METTL22: variants seen among roughly 807,000 people sequenced by gnomAD.
METTL22 encodes the protein methyltransferase-like protein 22.
Under a neutral mutation model 48.4 loss-of-function variants are expected in METTL22, and 51 were observed. That is an observed-to-expected ratio of 1.05 (90% CI 0.84 to 1.33). METTL22 has a LOEUF of 1.33. METTL22 is among the 40% of genes most tolerant of loss of function. The pLI is 0.00. For missense variants in METTL22, 678 were observed against 526.9 expected, an observed-to-expected ratio of 1.29 and a Z score of -2.81; for synonymous variants, 255 against 214.1, an observed-to-expected ratio of 1.19 and a Z score of -1.67.
At chr16:8,631,208 A>G (rs888907917) in intron 3 of METTL22, 2 of 152,156 alleles carry the variant, frequency 1.3e-5, no homozygotes, top group African/African-American at 4.8e-5. Flanking sequence ...TGGTTTTTCT[A>G]AAGAAAAAGA....
At position 8,644,992 on chromosome 16, in the gene METTL22, A is replaced by G. The variant is rs574606015; in HGVS notation, c.1179+267A>G. 1.7e-5 allele frequency: 5 copies of G among 292,190 alleles called. No individual in the cohort carries two copies. In the South Asian group the frequency reaches 3.6e-4, roughly 21 times the overall value. 18.1% of individuals were successfully genotyped at this position (292,190 alleles called of 1,614,324 possible). ...ACATATTCCCCCCGTTGGACAGTTC[A>G]GACTCCAGAGGAGGCAAGACCGAGG... On this transcript the variant is annotated intron_variant, in intron 10 of 10. Transcript: ENST00000381920.
intron 9 of METTL22, chr16:8,643,048 C>T (rs2056673455): frequency 5.8e-6 from 1 of 173,228 alleles, no homozygotes; most frequent in Non-Finnish European, 1.3e-5. Flanking sequence ...ATGTTAGGTT[C>T]CATTTATTGA....
At chr16:8,634,229 A>G (rs1264698621) in intron 3 of METTL22, among the ~76,000 whole-genome samples, 1 of 152,230 alleles carries the variant, frequency 6.6e-6, no homozygotes, top group Non-Finnish European at 1.5e-5. Flanking sequence ...CAGGTGCCCA[A>G]GAGGACCCTA....
chr16:8,644,881 C>T, intron 10 of METTL22, 156 bp downstream of exon 10: 1 of 753,906 alleles, frequency 1.3e-6, no homozygotes, highest in South Asian at 2.2e-5. Context: ...TGTAGTGGAA[C>T]CTGTTGGGGG....
chr16:8,658,803 G>C, the METTL22 span, among the ~76,000 whole-genome samples: 1 of 152,110 alleles, frequency 6.6e-6, no homozygotes, highest in Non-Finnish European at 1.5e-5. Flanking sequence ...ATTGCACAAA[G>C]CCCAAATCCC....
chr16:8,627,379 A>G (rs1324852977), intron 2 of METTL22, among the ~76,000 whole-genome samples: 1 of 151,974 alleles, frequency 6.6e-6, no homozygotes, highest in African/African-American at 2.4e-5. Flanking sequence ...GAGGGGAGAG[A>G]AGCAACCATA....
the METTL22 span, among the ~76,000 whole-genome samples, chr16:8,654,771 A>C: frequency 2.0e-5 from 3 of 152,136 alleles, no homozygotes; most frequent in African/African-American, 7.2e-5. Flanking sequence ...GAATGCATAG[A>C]ATGAGACTAT....
At chr16:8,656,987 C>G in the METTL22 span, among the ~76,000 whole-genome samples, 1 of 152,242 alleles carries the variant, frequency 6.6e-6, no homozygotes, top group East Asian at 1.9e-4. Context: ...CAAACCCACT[C>G]TGGTGATAAC....
chr16:8,644,668 G>T lies in METTL22; in HGVS notation c.1122G>T (p.Val374=), dbSNP rs1271861546. ...CAGATGGCAAGCTGCGCTTCGTGGT[G>T]GAGCCCGTGGAGGCCTCCTTCCCAC... is the stretch of plus-strand genomic sequence containing the variant. ...QLADGKLRFV[V]EPVEASFPQL... is the part of the protein sequence containing the mutation. Residue 374 remains valine, a synonymous_variant, in exon 10 of 11, where the codon GTG becomes GTT. Transcript: ENST00000381920. 1 of 1,605,986 alleles carries T rather than the reference G, an allele frequency of 6.2e-7. No individual in the cohort carries two copies. The highest frequency in any genetic ancestry group is 1.1e-5 in the South Asian group (1 of 89,498).
rs1041219474 is a variant in METTL22, at chr16:8,649,277, G to C, written c.*3134G>C. 6.6e-6 allele frequency: 1 copy of C among 152,184 alleles called. No individual in the cohort carries two copies. The highest frequency in any genetic ancestry group is 6.5e-5 in the Admixed American group (1 of 15,278). The allele number at this position is 152,184 out of a possible 1,614,324, so 9.4% of individuals were successfully genotyped here. ...AGTATCGTCAGATTTTCATTTCCCA[G>C]AGTGGGAGCGCGCCCCCATTGCCAT... On this transcript the variant is annotated 3_prime_UTR_variant, in exon 11 of 11. Coordinates refer to ENST00000381920, the MANE Select transcript of METTL22 (RefSeq NM_024109.4).
At position 8,644,942 on chromosome 16, in the gene METTL22, C is replaced by T. The variant is rs140269062; in HGVS notation, c.1179+217C>T. The T allele has an allele frequency of 2.6e-3, 1,191 of 460,406 alleles. No individual in the cohort carries two copies. Among genetic ancestry groups the T allele is most frequent in the Non-Finnish European group, 3.4e-3 (888 of 265,056 alleles). The allele number at this position is 460,406 out of a possible 1,614,324, so 28.5% of individuals were successfully genotyped here. Reference sequence around the variant, plus strand: ...CCATGTCTGGAGACGGGCCTACAGGCGAACCTTGTCTTTTACTTTATAGCA... The same window carrying T: ...CCATGTCTGGAGACGGGCCTACAGGTGAACCTTGTCTTTTACTTTATAGCA... On this transcript the variant is annotated intron_variant, in intron 10 of 10. Coordinates refer to ENST00000381920, the MANE Select transcript of METTL22 (RefSeq NM_024109.4).
At chr16:8,626,761 CTTTTTTTTTTTTTTTTTTTTTTTGAG>C (rs1309240958) in intron 2 of METTL22, among the ~76,000 whole-genome samples, 34 of 52,532 alleles carry the variant, frequency 6.5e-4, no homozygotes, top group Non-Finnish European at 9.1e-4. Context: ...GTCCTCTACT[CTTTTTTTTTTTTTTTTTTTTTTTGAG>C]GCAGTCTCGC....
At chr16:8,626,271 G>C (rs891182168) in intron 2 of METTL22, among the ~76,000 whole-genome samples, 3 of 152,112 alleles carry the variant, frequency 2.0e-5, no homozygotes, top group African/African-American at 2.4e-5. Flanking sequence ...TTACAGGCAA[G>C]CTGCTGTCCC....
At position 8,625,758 on chromosome 16, in the gene METTL22, T is replaced by C. The variant is rs2056026447; in HGVS notation, c.93T>C (p.His31=). The C allele has an allele frequency of 6.2e-7, 1 of 1,614,142 alleles. No homozygotes were observed. The highest frequency in any genetic ancestry group is 8.5e-7 in the Non-Finnish European group (1 of 1,180,020). ...ATGTCCACCTCTATACCCCGAACCA[T>C]AGACATCTCATGGTACGGCTGAACA... ...LSDVHLYTPN[H]RHLMVRLNSV... is the part of the protein sequence containing the mutation. Residue 31 remains histidine (H), a synonymous_variant, in exon 2 of 11, where the codon CAT becomes CAC. Coordinates refer to ENST00000381920, the MANE Select transcript of METTL22 (RefSeq NM_024109.4).
intron 2 of METTL22, among the ~76,000 whole-genome samples, chr16:8,627,428 C>G (rs758040294): frequency 2.6e-5 from 4 of 152,110 alleles, no homozygotes; most frequent in Non-Finnish European, 5.9e-5. Flanking sequence ...CTTTCCTCCC[C>G]TCCTGGCTCC....
downstream of METTL22, among the ~76,000 whole-genome samples, chr16:8,651,172 G>A (rs1298949073): frequency 5.3e-5 from 8 of 152,056 alleles, no homozygotes; most frequent in East Asian, 1.4e-3. Context: ...CAGATCATGA[G>A]GTCAGGAAAT....
intron 3 of METTL22, among the ~76,000 whole-genome samples, chr16:8,629,432 T>A (rs1475173964): frequency 6.6e-6 from 1 of 152,236 alleles, no homozygotes; most frequent in Non-Finnish European, 1.5e-5. Context: ...GAAGCCTCCC[T>A]GCTGCTGCCT....
downstream of METTL22, among the ~76,000 whole-genome samples, chr16:8,650,796 A>C (rs1413417141): frequency 6.6e-6 from 1 of 151,850 alleles, no homozygotes; most frequent in Non-Finnish European, 1.5e-5. Context: ...AGGCCAAGGC[A>C]AATGGATCAC....
chr16:8,653,027 C>G (rs1003070849), downstream of METTL22, among the ~76,000 whole-genome samples: 1 of 152,180 alleles, frequency 6.6e-6, no homozygotes, highest in Admixed American at 6.5e-5. Context: ...AGTTCAAACC[C>G]ACTTCTGCTG....
Sources: allele counts gnomAD v4.1 joint callset (sites outside exome capture counted in the v4.1 genomes callset), GRCh38; gene constraint gnomAD v4.1.1; transcripts MANE v1.5; gene names NCBI Gene and HGNC (gene_info 2026-07-23, HGNC 2026-07-21).